The following IREB2 variants were observed in gnomAD, a reference collection of about 807,000 sequenced individuals.
The protein encoded by IREB2 is iron-responsive element-binding protein 2.
Under a neutral mutation model 118.8 loss-of-function variants are expected in IREB2, and 39 were observed. That is an observed-to-expected ratio of 0.33 (90% confidence interval 0.25 to 0.43). IREB2 has a LOEUF of 0.43. IREB2 is among the 20% of genes least tolerant of loss of function. IREB2 has a pLI of 1.00. For missense variants in IREB2, 900 were observed against 1,147.3 expected (o/e 0.78, Z 3.11); for synonymous variants, 372 against 392.2 (o/e 0.95, Z 0.61).
chr15:78,488,146 A>T (rs567199147), intron 14 of IREB2, 34 bp from the exon 15 acceptor site: 2 of 1,580,744 alleles, frequency 1.3e-6, no homozygotes, highest in Non-Finnish European at 1.7e-6. Context: ...TCTAGAATTG[A>T]ATTTATTTGT....
At chr15:78,438,482 C>T (rs1595979250) in intron 1 of IREB2, 126 bp downstream of exon 1, 4 of 1,118,480 alleles carry the variant, frequency 3.6e-6, no homozygotes, top group African/African-American at 1.5e-5. Context: ...TCGGGTTGTG[C>T]TCCCCTCGGG....
chr15:78,466,632 TTA>T, intron 5 of IREB2, 143 bp downstream of exon 5: 1 of 620,896 alleles, frequency 1.6e-6, no homozygotes, highest in South Asian at 2.0e-5. Flanking sequence ...GTATTTCCTG[TTA>T]TACTAAAAGA....
rs374598953 is a variant in IREB2 at position 78,490,457 on chromosome 15, G to A, written c.2112G>A (p.Pro704=). 6.7e-5 allele frequency: 107 copies of A among 1,606,916 alleles called. No homozygotes were observed. Among genetic ancestry groups the A allele is most frequent in the Middle Eastern group, 3.3e-4 (2 of 6,026 alleles). The change falls in exon 17 of 22, where the codon CCG becomes CCA. Residue 704 remains proline (P), a synonymous_variant. Transcript: ENST00000258886. ...GNKRWNSLEA[P]DSVLFPWDLK... ...AACGGTGGAATTCCTTAGAAGCACC[G>A]GATTCAGTTTTGTTTCCATGGGACT...
chr15:78,488,703 G>C lies in IREB2; in HGVS notation c.2008G>C (p.Glu670Gln), dbSNP rs1333031493. 3 of 1,606,484 alleles carry C rather than the reference G, an allele frequency of 1.9e-6. No homozygotes were observed. The highest frequency in any genetic ancestry group is 2.6e-6 in the Non-Finnish European group (3 of 1,173,334). Residue 670 changes from glutamate to glutamine, a missense_variant, in exon 16 of 22, where the codon GAA becomes CAA. Physicochemically the swap from Glu to Gln is conservative, Grantham distance 29 (BLOSUM62 2). Coordinates refer to ENST00000258886, the MANE Select transcript of IREB2 (RefSeq NM_004136.4). ...YLHDIWPSREEVHRVEEEHVI... is the reference protein window; with the variant it reads ...YLHDIWPSREQVHRVEEEHVI... ...GCATGATATTTGGCCTAGTCGAGAA[G>C]AAGTTCATCGAGTAGAGGAAGAACA...
chr15:78,464,736 T>C (rs1262057207), intron 3 of IREB2, among the ~76,000 whole-genome samples: 2 of 152,216 alleles, frequency 1.3e-5, no homozygotes, highest in East Asian at 1.9e-4. Context: ...TCTTTAATCA[T>C]TATCTTCCCT....
intron 10 of IREB2, among the ~76,000 whole-genome samples, chr15:78,482,525 C>T (rs1225011259): frequency 6.6e-6 from 1 of 152,152 alleles, no homozygotes; most frequent in African/African-American, 2.4e-5. Context: ...TCTGCTGTGT[C>T]CCTTCAGCAC....
intron 10 of IREB2, among the ~76,000 whole-genome samples, chr15:78,482,197 T>C (rs1566988009): frequency 6.6e-6 from 1 of 151,678 alleles, no homozygotes; most frequent in Non-Finnish European, 1.5e-5. Flanking sequence ...GCCACTGCGC[T>C]CCAGCCTGGG....
intron 13 of IREB2, 81 bp from the exon 14 acceptor site, chr15:78,487,652 G>A (rs2051682085): frequency 7.7e-6 from 6 of 778,576 alleles, no homozygotes; most frequent in Admixed American, 4.1e-5. Flanking sequence ...TTATTACAGT[G>A]ATAGAAATAC....
intron 10 of IREB2, 114 bp from the exon 11 acceptor site, chr15:78,483,204 G>A: frequency 1.8e-6 from 1 of 556,772 alleles, no homozygotes. Context: ...AAAATAAATT[G>A]CATTAAAATA....
upstream of IREB2, among the ~76,000 whole-genome samples, chr15:78,437,979 C>G (rs1029242788): frequency 1.3e-5 from 2 of 152,246 alleles, no homozygotes; most frequent in Non-Finnish European, 2.9e-5. Context: ...AAGGCCGCAA[C>G]TAAGTAACGG....
intron 2 of IREB2, among the ~76,000 whole-genome samples, chr15:78,440,117 C>G (rs1179850728): frequency 6.6e-6 from 1 of 152,112 alleles, no homozygotes; most frequent in Non-Finnish European, 1.5e-5. Flanking sequence ...TAGTTTTTCC[C>G]CTCAAAGAAA....
intron 3 of IREB2, among the ~76,000 whole-genome samples, chr15:78,464,660 T>C (rs1457642900): frequency 2.0e-5 from 3 of 152,196 alleles, no homozygotes; most frequent in Non-Finnish European, 2.9e-5. Context: ...CATAGTTCAC[T>C]GCAGCATCGA....
chr15:78,450,415 G>C (rs1213868435), intron 2 of IREB2, among the ~76,000 whole-genome samples: 1 of 152,236 alleles, frequency 6.6e-6, no homozygotes, highest in Non-Finnish European at 1.5e-5. Context: ...GAACTCACTG[G>C]AATAGGTGTG....
intron 11 of IREB2, among the ~76,000 whole-genome samples, chr15:78,483,873 C>T (rs1431078402): frequency 1.4e-5 from 2 of 142,072 alleles, no homozygotes; most frequent in African/African-American, 2.6e-5. Context: ...AACCTCCCCC[C>T]TCCCGGGCTC....
At chr15:78,460,137 G>A (rs868781469) in intron 2 of IREB2, among the ~76,000 whole-genome samples, 12 of 152,238 alleles carry the variant, frequency 7.9e-5, no homozygotes, top group Middle Eastern at 6.8e-3. Flanking sequence ...GCTTGTAAGC[G>A]CGCCATCCAC....
At chr15:78,471,139 G>T (rs958423008) in intron 6 of IREB2, among the ~76,000 whole-genome samples, 1 of 151,976 alleles carries the variant, frequency 6.6e-6, no homozygotes, top group Non-Finnish European at 1.5e-5. Context: ...AGCCTCCTGA[G>T]TAGCTGGGAT....
intron 2 of IREB2, among the ~76,000 whole-genome samples, chr15:78,450,792 A>C (rs979744899): frequency 1.3e-5 from 2 of 149,710 alleles, no homozygotes; most frequent in African/African-American, 5.0e-5. Context: ...TCCAGCTCCT[A>C]AGTTGAGAGG....
chr15:78,491,772 A>C (rs896944689), intron 18 of IREB2, among the ~76,000 whole-genome samples: 2 of 152,234 alleles, frequency 1.3e-5, no homozygotes, highest in Non-Finnish European at 1.5e-5. Flanking sequence ...CTGGGATTAC[A>C]GGCATGAGCA....
intron 20 of IREB2, among the ~76,000 whole-genome samples, chr15:78,495,937 A>T (rs1386930530): frequency 6.6e-6 from 1 of 152,188 alleles, no homozygotes; most frequent in Non-Finnish European, 1.5e-5. Flanking sequence ...ACAAGTCTAG[A>T]GCCTTTGGCT....
Sources: gnomAD v4.1 joint callset for allele counts (sites outside exome capture counted in the v4.1 genomes callset) on GRCh38, gnomAD v4.1.1 for gene constraint, MANE v1.5 for transcripts, NCBI Gene and HGNC (gene_info 2026-07-23, HGNC 2026-07-21) for gene names.